The following GUSB variants were observed in gnomAD, a reference collection of about 807,000 sequenced individuals.
GUSB encodes beta-glucuronidase.
GUSB carries 51 observed loss-of-function variants against 74.6 expected under a neutral mutation model. The ratio of observed to expected loss-of-function variants is 0.68; its 90% CI spans 0.55 to 0.86. The LOEUF is 0.86. GUSB is among the 40% of genes least tolerant of loss of function. GUSB has a pLI of 0.00. For missense variants in GUSB, 736 were observed against 853.7 expected, an observed-to-expected ratio of 0.86 and a Z score of 1.72; for synonymous variants, 360 against 348.3, an observed-to-expected ratio of 1.03 and a Z score of -0.37.
chr7:65,964,481 TGTAAGA>T (rs1262799991), intron 10 of GUSB, 23 bp from the exon 11 acceptor site: 2 of 1,608,672 alleles, frequency 1.2e-6, no homozygotes, highest in Admixed American at 3.3e-5. Context: ...GCAAAGAGAA[TGTAAGA>T]GTCAGAACTG....
intron 1 of GUSB, chr7:65,980,714 G>A (rs1378218500): frequency 6.8e-6 from 3 of 441,332 alleles, no homozygotes; most frequent in South Asian, 2.1e-5. Context: ...GAGGCAGATG[G>A]CCACTGCCTG....
chr7:65,967,478 TAGAA>T (rs1193497497), intron 10 of GUSB, among the ~76,000 whole-genome samples: 1 of 151,998 alleles, frequency 6.6e-6, no homozygotes, highest in Non-Finnish European at 1.5e-5. Flanking sequence ...TTGGATCTGT[TAGAA>T]AGACCACTTG....
intron 8 of GUSB, 152 bp downstream of exon 8, chr7:65,974,143 T>C (rs572476012): frequency 2.8e-6 from 2 of 715,018 alleles, no homozygotes; most frequent in Non-Finnish European, 4.9e-6. Context: ...TTTGGGTGGG[T>C]AGATATTTGG....
At chr7:65,976,294 C>A in intron 4 of GUSB, 92 bp from the exon 5 acceptor site, 1 of 854,268 alleles carries the variant, frequency 1.2e-6, no homozygotes, top group East Asian at 2.4e-5. Flanking sequence ...GCCAGGCAGC[C>A]ATTTGTTTCT....
chr7:65,971,001 C>T lies in GUSB; in HGVS notation c.1392-635G>A, dbSNP rs182934419. 2.0e-3 allele frequency among the ~76,000 whole-genome samples: 311 copies of T among 152,190 alleles called. 3 individuals are homozygous for T. The highest frequency in any genetic ancestry group is 6.6e-3 in the African/African-American group (275 of 41,528). On this transcript the variant is annotated intron_variant, in intron 8 of 11. Transcript: ENST00000304895. ...GGCATATGATCCTCTAGTCCTAGACCGAGCTCTCTAACATCACTCCTTCTA... is the reference window on the plus strand; with the variant it reads ...GGCATATGATCCTCTAGTCCTAGACTGAGCTCTCTAACATCACTCCTTCTA...
In GUSB at chr7:65,960,947, GA is replaced by G. The variant is rs762840002; in HGVS notation, c.1905del (p.His637ThrfsTer3). ...CATTGTGACTTGGCTACTGAGTGGG[GA>G]TACCTGGTTTCATTGGCAATCTTCC... ...RYWKIANETR[Y>X]PHSVAKSQCL... is the part of the protein sequence containing the mutation. On this transcript the variant is annotated frameshift_variant, in exon 12 of 12. Transcript: ENST00000304895. LOFTEE classifies it low-confidence loss of function (END_TRUNC). 10 of 1,613,896 alleles carry G rather than the reference GA, an allele frequency of 6.2e-6. No homozygotes were observed. The South Asian group carries it at 8.8e-5, about 14-fold the overall frequency.
At chr7:65,981,687 A>AT (rs1792034050) in intron 1 of GUSB, among the ~76,000 whole-genome samples, 1 of 152,176 alleles carries the variant, frequency 6.6e-6, no homozygotes, top group Non-Finnish European at 1.5e-5. Flanking sequence ...AAAATTTTTA[A>AT]AAATTAAAAA....
intron 11 of GUSB, among the ~76,000 whole-genome samples, chr7:65,961,412 A>G (rs1790489512): frequency 6.6e-6 from 1 of 152,178 alleles, no homozygotes; most frequent in Non-Finnish European, 1.5e-5. Flanking sequence ...TGGGATTATA[A>G]GCACAAGCCA....
In GUSB at chr7:65,976,119, C is replaced by T. The variant is rs1347468886; in HGVS notation, c.808G>A (p.Val270Met). Reference protein sequence around the residue: ...VRLLDAENKVVANGTGTQGQL... With the variant: ...VRLLDAENKVMANGTGTQGQL... ...CCCTGGGTCCCAGTCCCATTCGCCA[C>T]GACTTTGTTTTCTGCATCCAAAAGA... The change falls in exon 5 of 12, where the codon GTG (valine) becomes ATG (methionine). Residue 270 changes from valine (V) to methionine (M), a missense_variant. Physicochemically the swap from Val to Met is conservative, Grantham distance 21 (BLOSUM62 1). This residue lies in a region of GUSB where 368 missense variants were observed against 363.8 expected (regional missense o/e 1.01). Coordinates refer to ENST00000304895, the MANE Select transcript of GUSB (RefSeq NM_000181.4). 20 of 1,613,764 alleles carry T rather than the reference C, an allele frequency of 1.2e-5. No homozygotes were observed. Among genetic ancestry groups the T allele is most frequent in the South Asian group, 2.2e-5 (2 of 91,090 alleles).
At chr7:65,980,631 A>G (rs571980356) in intron 1 of GUSB, 237 of 579,726 alleles carry the variant, frequency 4.1e-4, no homozygotes, top group Non-Finnish European at 6.3e-4. Context: ...ATGGGGCACA[A>G]TATCTCCTGA....
chr7:65,978,685 T>C (rs1032320327), intron 4 of GUSB, among the ~76,000 whole-genome samples: 39 of 148,692 alleles, frequency 2.6e-4, no homozygotes, highest in Non-Finnish European at 4.4e-4. Flanking sequence ...GGCAGGAGAA[T>C]CGCTTGAACC....
At position 65,979,800 on chromosome 7, in the gene GUSB, T is replaced by C. The variant is rs781205550; in HGVS notation, c.508A>G (p.Ile170Val). The change falls in exon 3 of 12, where the codon ATC (isoleucine) becomes GTC (valine). Residue 170 changes from isoleucine (I) to valine (V), a missense_variant. This residue lies in a region of GUSB where 368 missense variants were observed against 363.8 expected (regional missense o/e 1.01). Transcript: ENST00000304895. ...GGGGTGAGTGTGTTGTTGATGGCGA[T>C]AGTGATTCGGAGCCGGGAGGGCAGG... ...GPLPSRLRIT[I>V]AINNTLTPTT... 4.3e-6 allele frequency: 7 copies of C among 1,613,718 alleles called. No individual in the cohort carries two copies. The highest frequency in any genetic ancestry group is 4.5e-5 in the East Asian group (2 of 44,880).
At chr7:65,965,393 G>A (rs1003187155) in intron 10 of GUSB, among the ~76,000 whole-genome samples, 2 of 152,006 alleles carry the variant, frequency 1.3e-5, no homozygotes, top group African/African-American at 4.8e-5. Context: ...GAGTGAGGCT[G>A]TCTCAAAAAA....
chr7:65,971,030 C>T (rs1224959440), intron 8 of GUSB, among the ~76,000 whole-genome samples: 1 of 152,176 alleles, frequency 6.6e-6, no homozygotes, highest in Non-Finnish European at 1.5e-5. Context: ...CCTTCTACCC[C>T]CATCTCCGAA....
chr7:65,961,149 T>A, intron 11 of GUSB, 86 bp from the exon 12 acceptor site: 1 of 1,281,838 alleles, frequency 7.8e-7, no homozygotes, highest in Non-Finnish European at 1.1e-6. Context: ...AGGTAGGCAC[T>A]AAATAGAAAT....
intron 5 of GUSB, 76 bp from the exon 6 acceptor site, chr7:65,975,147 C>G: frequency 7.5e-7 from 1 of 1,333,964 alleles, no homozygotes; most frequent in Non-Finnish European, 1.1e-6. Flanking sequence ...AGCAGGAAGG[C>G]CCCTCGTGCA....
intron 4 of GUSB, 42 bp downstream of exon 4, chr7:65,979,357 C>T: frequency 1.3e-6 from 2 of 1,566,160 alleles, no homozygotes; most frequent in Non-Finnish European, 1.7e-6. Flanking sequence ...CAAACAGAGC[C>T]ACCCTGGGCC....
intron 8 of GUSB, among the ~76,000 whole-genome samples, chr7:65,972,156 CTGTTTT>C (rs1229132640): frequency 6.6e-6 from 1 of 152,094 alleles, no homozygotes; most frequent in Non-Finnish European, 1.5e-5. Flanking sequence ...ACAGTACAGA[CTGTTTT>C]TGTTTTTGTT....
chr7:65,978,525 T>G (rs1338092789), intron 4 of GUSB, among the ~76,000 whole-genome samples: 1 of 151,998 alleles, frequency 6.6e-6, no homozygotes, highest in Non-Finnish European at 1.5e-5. Context: ...CCTTGCATTT[T>G]GGCAGGCCGA....
Sources: gnomAD v4.1 joint callset for allele counts (sites outside exome capture counted in the v4.1 genomes callset) on GRCh38, gnomAD v4.1.1 for gene constraint, gnomAD v4.1.1 regional missense constraint, MANE v1.5 for transcripts, NCBI Gene and HGNC (gene_info 2026-07-23, HGNC 2026-07-21) for gene names.